The following C19orf38 variants were observed in gnomAD, a reference collection of about 807,000 sequenced individuals.
C19orf38 encodes the protein chromosome 19 open reading frame 38.
C19orf38 carries 14 observed loss-of-function variants against 26.6 expected under a neutral mutation model. That is an observed-to-expected ratio of 0.53 (90% CI 0.35 to 0.82). The LOEUF is 0.82. C19orf38 is among the 40% of genes least tolerant of loss of function. The pLI is 0.01. For synonymous variants in C19orf38, 132 were observed against 128.5 expected (o/e 1.03, Z -0.18); for missense variants, 261 against 299.5 (o/e 0.87, Z 0.95).
upstream of C19orf38, chr19:10,848,406 G>T: frequency 7.8e-7 from 1 of 1,282,198 alleles, no homozygotes; most frequent in Non-Finnish European, 1.1e-6. Context: ...TCGAGAATCA[G>T]CCCTGGTTCT....
At chr19:10,869,122 C>T (rs2073778940) in intron 6 of C19orf38, 96 bp from the exon 7 acceptor site, 1 of 1,472,492 alleles carries the variant, frequency 6.8e-7, no homozygotes, top group Non-Finnish European at 9.3e-7. Flanking sequence ...AGGAGACCTG[C>T]TGGGCTGGCA....
intron 6 of C19orf38, among the ~76,000 whole-genome samples, chr19:10,864,760 G>A (rs563825779): frequency 1.3e-5 from 2 of 152,278 alleles, no homozygotes; most frequent in South Asian, 4.1e-4. Flanking sequence ...GGGAGATATA[G>A]GGGAGAGAAA....
Position 10,869,596 on chromosome 19 carries a change from C to G in C19orf38, c.*229C>G, listed in dbSNP as rs553458027. 3 of 560,716 alleles carry G rather than the reference C, an allele frequency of 5.4e-6. No individual in the cohort carries two copies. In the Admixed American group the frequency reaches 1.1e-4, roughly 21 times the overall value. 34.7% of individuals were successfully genotyped at this position (560,716 alleles called of 1,614,324 possible). A position where few individuals can be genotyped will look rare whatever the true frequency, so the allele number is the denominator to read the frequency against. On this transcript the variant is annotated 3_prime_UTR_variant, in exon 7 of 7. Coordinates refer to ENST00000397820, the MANE Select transcript of C19orf38 (RefSeq NM_001136482.3). The stretch of plus-strand genomic sequence containing the variant: ...GTTCCCCTCTCGACCTTCGGCTCCT[C>G]AGGACCACCAGAGAAGGAGATGTCA...
At chr19:10,861,709 C>T (rs1215374033) in intron 5 of C19orf38, among the ~76,000 whole-genome samples, 3 of 152,034 alleles carry the variant, frequency 2.0e-5, no homozygotes, top group African/African-American at 7.3e-5. Flanking sequence ...TCCCGAGTAG[C>T]TGGGATTACA....
At chr19:10,853,956 G>A (rs12979495) in intron 2 of C19orf38, among the ~76,000 whole-genome samples, 31,973 of 150,138 alleles carry the variant, frequency 0.21, 3,632 homozygotes, top group Middle Eastern at 0.31. Context: ...AGTAGGCTGA[G>A]GCAGGTGGAT....
Position 10,848,557 on chromosome 19 carries a change from C to T in C19orf38, c.31+18C>T, listed in dbSNP as rs1160826602. On this transcript the variant is annotated intron_variant, in intron 1 of 6. Transcript: ENST00000397820. ...TGCAGCTGGTGAGTCTGAAGCCCCC[C>T]TCTCAGATCCCCCACGCCTTTCCCC... is the stretch of plus-strand genomic sequence containing the variant. The T allele has an allele frequency of 2.7e-6, 4 of 1,499,090 alleles. No individual in the cohort carries two copies. The highest frequency in any genetic ancestry group is 4.1e-5 in the Admixed American group (2 of 49,374). 92.9% of individuals were successfully genotyped at this position (1,499,090 alleles called of 1,614,324 possible).
At chr19:10,853,717 G>A (rs549650008) in intron 2 of C19orf38, among the ~76,000 whole-genome samples, 2 of 150,006 alleles carry the variant, frequency 1.3e-5, no homozygotes, top group African/African-American at 4.9e-5. Flanking sequence ...AGAGCCTCCC[G>A]AGTAGCTGGG....
intron 6 of C19orf38, among the ~76,000 whole-genome samples, chr19:10,864,999 C>T (rs1013377697): frequency 2.6e-5 from 4 of 152,140 alleles, no homozygotes; most frequent in Non-Finnish European, 4.4e-5. Context: ...CCTGTGCAGC[C>T]CTCTGAGGTC....
chr19:10,848,681 T>A (rs933063428), intron 1 of C19orf38, 142 bp downstream of exon 1: 1 of 706,016 alleles, frequency 1.4e-6, no homozygotes, highest in Non-Finnish European at 2.4e-6. Context: ...AGATGGGTTT[T>A]CCCCCTGAGC....
chr19:10,864,290 A>G (rs1046070608), intron 6 of C19orf38, among the ~76,000 whole-genome samples: 5 of 151,976 alleles, frequency 3.3e-5, no homozygotes, highest in African/African-American at 1.2e-4. Flanking sequence ...CAAACTCCTG[A>G]CCTCAGGTGA....
At chr19:10,858,414 A>G in intron 4 of C19orf38, 71 bp downstream of exon 4, 3 of 1,402,378 alleles carry the variant, frequency 2.1e-6, no homozygotes, top group South Asian at 1.3e-5. Context: ...CAGGGTGGGC[A>G]CTCCATGCCC....
intron 2 of C19orf38, among the ~76,000 whole-genome samples, chr19:10,852,430 G>T (rs75088899): frequency 6.6e-6 from 1 of 152,192 alleles, no homozygotes; most frequent in Non-Finnish European, 1.5e-5. Flanking sequence ...ATCCACCTGG[G>T]TGAGGATGTC....
At chr19:10,859,368 ATATATATATATATATATTT>A (rs1322816701) in intron 4 of C19orf38, among the ~76,000 whole-genome samples, 914 of 57,912 alleles carry the variant, frequency 0.016, 23 homozygotes, top group African/African-American at 0.08. Context: ...ATATATATAT[ATATATATATATATATATTT>A]TTTTTTTTTT....
intron 1 of C19orf38, among the ~76,000 whole-genome samples, chr19:10,837,624 C>G (rs2146232206): frequency 6.7e-6 from 1 of 149,994 alleles, no homozygotes; most frequent in East Asian, 2.0e-4. Flanking sequence ...CCTCCTGCCT[C>G]AGCCTTCCGA....
chr19:10,867,260 G>T (rs182310156), intron 6 of C19orf38, among the ~76,000 whole-genome samples: 2 of 105,352 alleles, frequency 1.9e-5, no homozygotes, highest in Non-Finnish European at 2.4e-5. Context: ...GGCCTGTTTC[G>T]CTGAGCTTGA....
At chr19:10,840,303 T>G (rs2073469639) in intron 1 of C19orf38, among the ~76,000 whole-genome samples, 1 of 152,080 alleles carries the variant, frequency 6.6e-6, no homozygotes, top group Non-Finnish European at 1.5e-5. Context: ...TCACCAACAC[T>G]TGTTACTTTG....
intron 2 of C19orf38, among the ~76,000 whole-genome samples, chr19:10,852,729 G>A (rs1319859750): frequency 3.3e-5 from 5 of 152,126 alleles, no homozygotes; most frequent in African/African-American, 1.2e-4. Context: ...GGCGGGGCAG[G>A]GAGTTCACCA....
At chr19:10,846,630 A>G (rs1029648962), upstream of C19orf38, among the ~76,000 whole-genome samples, 6 of 152,228 alleles carry the variant, frequency 3.9e-5, no homozygotes, top group Non-Finnish European at 8.8e-5. Context: ...AAGACCGATA[A>G]GAGACAAGGA....
chr19:10,858,192 C>A, intron 3 of C19orf38, 124 bp from the exon 4 acceptor site: 1 of 918,188 alleles, frequency 1.1e-6, no homozygotes, highest in Non-Finnish European at 1.6e-6. Flanking sequence ...TGAGCCACTG[C>A]ACTCCAGCCT....
Sources: gnomAD v4.1 joint callset for allele counts (sites outside exome capture counted in the v4.1 genomes callset) on GRCh38, gnomAD v4.1.1 for gene constraint, MANE v1.5 for transcripts, NCBI Gene and HGNC (gene_info 2026-07-23, HGNC 2026-07-21) for gene names.